Variants in GSE1 observed in about 807,000 individuals in gnomAD.
The protein encoded by GSE1 is Gse1 coiled-coil protein.
Under a neutral mutation model 112.6 loss-of-function variants are expected in GSE1, and 32 were observed. The ratio of observed to expected loss-of-function variants is 0.28; its 90% confidence interval spans 0.21 to 0.38. The LOEUF (loss-of-function observed/expected upper bound fraction) is 0.38, where lower values mean the gene tolerates loss of function less well. Ranked by LOEUF, GSE1 falls within the 10% of genes least tolerant of loss-of-function variation. The pLI, the probability that GSE1 is intolerant of heterozygous loss-of-function variation, is 1.00. For missense variants in GSE1, 2,348 were observed against 1,699.2 expected, an observed-to-expected ratio of 1.38 and a Z score of -6.71; for synonymous variants, 1,115 against 735.6, an observed-to-expected ratio of 1.52 and a Z score of -8.35.
At chr16:85,361,642 C>A (rs2047084351) in intron 2 of GSE1, among the ~76,000 whole-genome samples, 1 of 152,190 alleles carries the variant, frequency 6.6e-6, no homozygotes, top group Non-Finnish European at 1.5e-5. Flanking sequence ...CCGTTTCTGA[C>A]CCCCACTTCC....
At chr16:85,181,565 G>A (rs1361422888) in intron 1 of GSE1, among the ~76,000 whole-genome samples, 4 of 152,240 alleles carry the variant, frequency 2.6e-5, no homozygotes, top group Non-Finnish European at 4.4e-5. Context: ...TCTCAGTTCC[G>A]GAGGGAGAGG....
chr16:85,617,473 T>C (rs532659666), intron 1 of GSE1, among the ~76,000 whole-genome samples: 1 of 151,986 alleles, frequency 6.6e-6, no homozygotes, highest in East Asian at 1.9e-4. Flanking sequence ...CTCGGGGGTC[T>C]CTCCTGGCTG....
chr16:85,357,044 C>T (rs555680840), intron 1 of GSE1, among the ~76,000 whole-genome samples: 33 of 152,322 alleles, frequency 2.2e-4, no homozygotes, highest in African/African-American at 7.5e-4. Flanking sequence ...GCAAGCACCA[C>T]AGAATAAACC....
intron 2 of GSE1, among the ~76,000 whole-genome samples, chr16:85,495,453 ATT>A (rs2051142912): frequency 1.3e-5 from 2 of 150,300 alleles, no homozygotes; most frequent in Non-Finnish European, 1.5e-5. Context: ...TTATTTATTT[ATT>A]TATTTATTTA....
In GSE1 at chr16:85,297,202, C is replaced by T. The variant is rs553940228; in HGVS notation, c.2284-60261C>T. On this transcript the variant is annotated intron_variant, in intron 1 of 2. Coordinates refer to the GSE1 transcript ENST00000637419. ...TCCTCTTCCCTCCCTCCAGAGGGCG[C>T]ACTGGAGTTGCTCGGAGCATCTGTA... Among the ~76,000 whole-genome samples, 37 of 152,356 alleles carry T rather than the reference C, an allele frequency of 2.4e-4. No individual in the cohort carries two copies. The South Asian group carries it at 7.7e-3, about 32-fold the overall frequency.
chr16:85,281,997 C>T (rs1021495256), intron 1 of GSE1, among the ~76,000 whole-genome samples: 2 of 151,848 alleles, frequency 1.3e-5, no homozygotes, highest in Admixed American at 6.6e-5. Context: ...GTGCCACAGC[C>T]GGGGTTATCC....
chr16:85,590,543 C>T (rs564749900), intron 1 of GSE1, among the ~76,000 whole-genome samples: 88 of 140,374 alleles, frequency 6.3e-4, no homozygotes, highest in Middle Eastern at 4.5e-3. Context: ...GCATGTGTGA[C>T]ATTGCGTGTG....
chr16:85,289,355 G>A (rs2045137009), intron 1 of GSE1, among the ~76,000 whole-genome samples: 1 of 152,152 alleles, frequency 6.6e-6, no homozygotes, highest in Non-Finnish European at 1.5e-5. Flanking sequence ...GGACTCACCT[G>A]TACTGTGGCC....
intron 1 of GSE1, among the ~76,000 whole-genome samples, chr16:85,262,601 C>T (rs1444735204): frequency 6.6e-5 from 10 of 152,342 alleles, no homozygotes; most frequent in South Asian, 2.1e-4. Flanking sequence ...AGGAGAAGGA[C>T]GCAAGGCCAG....
At chr16:85,313,433 C>T (rs1597371556) in intron 1 of GSE1, among the ~76,000 whole-genome samples, 1 of 152,174 alleles carries the variant, frequency 6.6e-6, no homozygotes, top group Non-Finnish European at 1.5e-5. Context: ...TGGGCCAGGG[C>T]CAGGCCATCT....
chr16:85,513,959 C>G (rs145110540), intron 2 of GSE1, among the ~76,000 whole-genome samples: 198 of 152,250 alleles, frequency 1.3e-3, no homozygotes, highest in African/African-American at 4.7e-3. Context: ...GGTGGTACTG[C>G]TGCTATGTGG....
In GSE1 at chr16:85,674,963, C is replaced by T. The variant is rs1462039279; in HGVS notation, c.*2424C>T. 1 of 152,600 alleles carries T rather than the reference C, an allele frequency of 6.6e-6. No homozygotes were observed. Among genetic ancestry groups the T allele is most frequent in the Non-Finnish European group, 1.5e-5 (1 of 68,048 alleles). 9.5% of individuals were successfully genotyped at this position (152,600 alleles called of 1,614,324 possible). A position where few individuals can be genotyped will look rare whatever the true frequency, so the allele number is the denominator to read the frequency against. On this transcript the variant is annotated 3_prime_UTR_variant, in exon 16 of 16. Transcript: ENST00000253458. ...CAGAATACAAACCAGTAAGGCAACA[C>T]GAATAAACTAAGAAAAAGGTAAGAA...
intron 1 of GSE1, among the ~76,000 whole-genome samples, chr16:85,287,631 A>G (rs1017235472): frequency 6.0e-5 from 9 of 151,176 alleles, no homozygotes; most frequent in Non-Finnish European, 1.0e-4. Context: ...CGGCCTTTCC[A>G]TATTGGTCAC....
intron 2 of GSE1, among the ~76,000 whole-genome samples, chr16:85,550,918 T>C (rs1293359957): frequency 6.6e-6 from 1 of 152,218 alleles, no homozygotes; most frequent in Admixed American, 6.5e-5. Context: ...TTTTCTCCCA[T>C]TGAGAGATGA....
At chr16:85,663,309 G>T (rs1362009571) in intron 10 of GSE1, 35 bp from the exon 11 acceptor site, 6 of 1,609,894 alleles carry the variant, frequency 3.7e-6, no homozygotes, top group Middle Eastern at 1.7e-4. Context: ...CACTGCCAGT[G>T]GCTTCAAACT....
intron 1 of GSE1, among the ~76,000 whole-genome samples, chr16:85,184,899 G>A (rs1597742663): frequency 1.3e-5 from 2 of 152,206 alleles, no homozygotes; most frequent in Admixed American, 6.5e-5. Flanking sequence ...TATGGAAACA[G>A]CAGTATTTGG....
rs1475366503 is a variant in GSE1 at position 85,648,681 on chromosome 16, G to A, written c.356G>A (p.Ser119Asn). ...IVPPGGHSVP[S>N]TPPVVTIAPT... ...CCCCCTGGGGGCCACAGCGTGCCCA[G>A]CACCCCCCCCGTGGTGACCATCGCT... is the stretch of plus-strand genomic sequence containing the variant. Residue 119 changes from serine (S) to asparagine (N), a missense_variant, in exon 3 of 16, where the codon AGC becomes AAC. Coordinates refer to ENST00000253458, the MANE Select transcript of GSE1 (RefSeq NM_014615.5). 1 of 1,607,226 alleles carries A rather than the reference G, an allele frequency of 6.2e-7. No homozygotes were observed. The highest frequency in any genetic ancestry group is 2.2e-5 in the East Asian group (1 of 44,586).
chr16:85,295,782 T>G (rs77880300), intron 1 of GSE1, among the ~76,000 whole-genome samples: 1 of 152,014 alleles, frequency 6.6e-6, no homozygotes, highest in East Asian at 1.9e-4. Flanking sequence ...TTTTTTTTTT[T>G]TTTGTAGAGA....
intron 1 of GSE1, among the ~76,000 whole-genome samples, chr16:85,294,092 G>C (rs572321923): frequency 6.6e-6 from 1 of 152,338 alleles, no homozygotes; most frequent in East Asian, 1.9e-4. Flanking sequence ...AGACTCCAGA[G>C]CATAGCCTGG....
Sources: allele counts gnomAD v4.1 joint callset (sites outside exome capture counted in the v4.1 genomes callset), GRCh38; gene constraint gnomAD v4.1.1; transcripts MANE v1.5; gene names NCBI Gene and HGNC (gene_info 2026-07-23, HGNC 2026-07-21).